The following RPGRIP1 variants were observed in gnomAD, a reference collection of about 807,000 sequenced individuals.
The protein encoded by RPGRIP1 is X-linked retinitis pigmentosa GTPase regulator-interacting protein 1.
RPGRIP1 carries 128 observed loss-of-function variants against 157.9 expected under a neutral mutation model. That is an observed-to-expected ratio of 0.81 (90% CI 0.70 to 0.94). RPGRIP1 has a LOEUF of 0.94. RPGRIP1 is among the 40% of genes least tolerant of loss of function. The probability of loss-of-function intolerance (pLI) is 0.00; values close to 1 mark genes in which losing one functional copy is unlikely to be tolerated. For synonymous variants in RPGRIP1, 554 were observed against 571.6 expected, an observed-to-expected ratio of 0.97 and a Z score of 0.44; for missense variants, 1,486 against 1,545.8, an observed-to-expected ratio of 0.96 and a Z score of 0.65.
intron 2 of RPGRIP1, among the ~76,000 whole-genome samples, chr14:21,290,710 G>A (rs1594371920): frequency 1.3e-5 from 2 of 152,032 alleles, no homozygotes; most frequent in South Asian, 4.1e-4. Context: ...TCCCAGCTAC[G>A]TGGGAGGCTG....
At chr14:21,284,960 C>T (rs1594367585) in intron 1 of RPGRIP1, among the ~76,000 whole-genome samples, 1 of 150,160 alleles carries the variant, frequency 6.7e-6, no homozygotes, top group Non-Finnish European at 1.5e-5. Flanking sequence ...CTCTCTTGTT[C>T]GTTCATTCTA....
chr14:21,303,117 C>T (rs1881110531), intron 5 of RPGRIP1: 1 of 461,398 alleles, frequency 2.2e-6, no homozygotes, highest in Admixed American at 3.5e-5. Context: ...ATCTGCTCGC[C>T]TTGGCCTCCC....
chr14:21,348,976 A>G (rs1372737983), intron 24 of RPGRIP1, among the ~76,000 whole-genome samples: 1 of 151,878 alleles, frequency 6.6e-6, no homozygotes, highest in Non-Finnish European at 1.5e-5. Flanking sequence ...TGTCTCTTAA[A>G]AAGACATTAA....
Position 21,324,622 on chromosome 14 carries a change from G to T in RPGRIP1, c.1767G>T (p.Gln589His), listed in dbSNP as rs34067949. ...GCAGCTTTCTTTCCCCTCTAGAACA[G>T]CTCAAAGATGTTGCTTATGGCACCC... ...LRSHDLPTSE[Q>H]LKDVAYGTRP... The change falls in exon 15 of 25, where the codon CAG becomes CAT. Residue 589 changes from glutamine (Q) to histidine (H), a missense_variant. Transcript: ENST00000400017. 7,835 of 1,612,740 alleles carry T rather than the reference G, an allele frequency of 4.9e-3. 23 individuals carry two copies. Among genetic ancestry groups the T allele is most frequent in the Middle Eastern group, 6.6e-3 (40 of 6,062 alleles).
intron 3 of RPGRIP1, among the ~76,000 whole-genome samples, chr14:21,297,315 G>A (rs1157164659): frequency 2.6e-5 from 4 of 152,150 alleles, no homozygotes; most frequent in South Asian, 2.1e-4. Context: ...CGCTGGTCTC[G>A]AACTCCTTTC....
At chr14:21,307,868 G>A (rs772521928) in intron 7 of RPGRIP1, 32 bp downstream of exon 7, 1 of 1,244,576 alleles carries the variant, frequency 8.0e-7, no homozygotes, top group Non-Finnish European at 1.1e-6. Context: ...TGCTTTCTTG[G>A]TGGGGGGAAA....
intron 11 of RPGRIP1, among the ~76,000 whole-genome samples, chr14:21,318,668 A>G (rs911948308): frequency 6.7e-6 from 1 of 150,342 alleles, no homozygotes; most frequent in Non-Finnish European, 1.5e-5. Context: ...AGTAGAGACG[A>G]GGGTTCACTA....
chr14:21,339,982 C>T (rs887575259), intron 21 of RPGRIP1, among the ~76,000 whole-genome samples: 20 of 152,108 alleles, frequency 1.3e-4, no homozygotes, highest in East Asian at 1.2e-3. Flanking sequence ...AATAGCAATG[C>T]GAGGAGTTGA....
intron 5 of RPGRIP1, chr14:21,302,865 G>GTTTTTTTTTTTTTTTTTTT (rs59447072): frequency 3.4e-5 from 3 of 88,198 alleles, no homozygotes; most frequent in Non-Finnish European, 6.2e-5. Context: ...CCTTTGTTGT[G>GTTTTTTTTTTTTTTTTTTT]TTTTTTTTTT....
In RPGRIP1 at chr14:21,300,986, G is replaced by C; in HGVS notation, c.239G>C (p.Arg80Pro). Residue 80 changes from arginine to proline, a missense_variant, in exon 4 of 25, where the codon CGG becomes CCG. By Grantham distance (103) the Arg-to-Pro change is moderately radical. Transcript: ENST00000400017. ...EIKRLRTTLL[R>P]LTAAGRDLRV... Reference sequence around the variant, plus strand: ...CACAGGCTGAGGACCACCTTGCTGCGGTTGACCGCTGCTGGCCGGGACCTG... The same window carrying C: ...CACAGGCTGAGGACCACCTTGCTGCCGTTGACCGCTGCTGGCCGGGACCTG... The C allele has an allele frequency of 6.2e-7, 1 of 1,612,920 alleles. No individual in the cohort carries two copies. Among genetic ancestry groups the C allele is most frequent in the Non-Finnish European group, 8.5e-7 (1 of 1,179,436 alleles).
Position 21,337,438 on chromosome 14 carries a change from C to CTT in RPGRIP1, c.3339+2749_3339+2750dup, listed in dbSNP as rs869108147. 6.0e-4 allele frequency among the ~76,000 whole-genome samples: 77 copies of CTT among 128,698 alleles called. 2 individuals carry two copies. Among genetic ancestry groups the CTT allele is most frequent in the African/African-American group, 2.0e-3 (65 of 32,902 alleles). 84.4% of individuals were successfully genotyped at this position (128,698 alleles called of 152,430 possible). A position where few individuals can be genotyped will look rare whatever the true frequency, so the allele number is the denominator to read the frequency against. ...ACCTACTGGAGTTCTCAATGTTAAGCTTTTTTTTTTTTTTTTTGAGATAGA... is the reference window on the plus strand; with the variant it reads ...ACCTACTGGAGTTCTCAATGTTAAGCTTTTTTTTTTTTTTTTTTTGAGATAGA... On this transcript the variant is annotated intron_variant, in intron 21 of 24. Transcript: ENST00000400017.
chr14:21,333,962 G>A (rs573393879), intron 20 of RPGRIP1, among the ~76,000 whole-genome samples: 11 of 138,746 alleles, frequency 7.9e-5, no homozygotes, highest in East Asian at 4.2e-4. Flanking sequence ...GTCTCTTGTC[G>A]CCCAGGCTGG....
chr14:21,306,112 C>CTTTT lies in RPGRIP1; in HGVS notation c.801-1585_801-1582dup, dbSNP rs539083010. ...AGCTCCTAGGTTCAGGAATAATAGT[C>CTTTT]TTTTTTTTTTTTTTTTTTTTTTTTT... On this transcript the variant is annotated intron_variant, in intron 6 of 24. Transcript: ENST00000400017. Among the ~76,000 whole-genome samples the CTTTT allele has an allele frequency of 3.3e-4, 15 of 44,828 alleles. 3 individuals carry two copies. Among genetic ancestry groups the CTTTT allele is most frequent in the African/African-American group, 9.8e-4 (11 of 11,214 alleles). 29.4% of individuals were successfully genotyped at this position (44,828 alleles called of 152,430 possible).
chr14:21,346,703 TTTTG>T (rs1013081447), intron 23 of RPGRIP1, among the ~76,000 whole-genome samples: 10 of 152,346 alleles, frequency 6.6e-5, no homozygotes, highest in African/African-American at 2.2e-4. Context: ...TTTTTAATTT[TTTTG>T]TTTGTTTGTT....
intron 6 of RPGRIP1, among the ~76,000 whole-genome samples, chr14:21,304,906 G>A (rs891666358): frequency 7.9e-5 from 12 of 151,626 alleles, no homozygotes; most frequent in Non-Finnish European, 1.8e-4. Flanking sequence ...GGTTCATGCC[G>A]TTCTCCTGCC....
chr14:21,289,846 C>T (rs1324402256), intron 2 of RPGRIP1, among the ~76,000 whole-genome samples: 2 of 149,680 alleles, frequency 1.3e-5, no homozygotes, highest in African/African-American at 5.0e-5. Context: ...GGAGACATTA[C>T]CAGAATGTTC....
At position 21,344,433 on chromosome 14, in the gene RPGRIP1, A is replaced by G. The variant is rs567131875; in HGVS notation, c.3533-680A>G. 3.9e-5 allele frequency among the ~76,000 whole-genome samples: 6 copies of G among 152,216 alleles called. No homozygotes were observed. The South Asian group carries it at 1.2e-3, about 32-fold the overall frequency. On this transcript the variant is annotated intron_variant, in intron 22 of 24. Transcript: ENST00000400017. Reference sequence around the variant, plus strand: ...TTCTGCTCTAGCCCACTGTTTCATTATTACTGCTGCTCATGGAGAATACGA... The same window carrying G: ...TTCTGCTCTAGCCCACTGTTTCATTGTTACTGCTGCTCATGGAGAATACGA...
intron 9 of RPGRIP1, 27 bp downstream of exon 9, chr14:21,311,997 A>G (rs1881559169): frequency 1.0e-5 from 16 of 1,588,102 alleles, no homozygotes; most frequent in Non-Finnish European, 1.4e-5. Flanking sequence ...GAAAGATACC[A>G]TCTACATTTC....
intron 19 of RPGRIP1, 42 bp downstream of exon 19, chr14:21,328,669 A>G (rs1177397331): frequency 7.5e-7 from 1 of 1,340,164 alleles, no homozygotes; most frequent in East Asian, 2.3e-5. Flanking sequence ...TGTGGGTTGT[A>G]GTGTCCCCAG....
Sources: gnomAD v4.1 joint callset for allele counts (sites outside exome capture counted in the v4.1 genomes callset) on GRCh38, gnomAD v4.1.1 for gene constraint, MANE v1.5 for transcripts, NCBI Gene and HGNC (gene_info 2026-07-23, HGNC 2026-07-21) for gene names.